Variants in LLGL2 observed in about 807,000 individuals in gnomAD.
The protein encoded by LLGL2 is LLGL2, scribble cell polarity complex component.
LLGL2 carries 81 observed loss-of-function variants against 123.2 expected under a neutral mutation model. That is an observed-to-expected ratio of 0.66 (90% CI 0.55 to 0.79). LLGL2 has a LOEUF of 0.79. Ranked by LOEUF, LLGL2 falls within the 30% of genes least tolerant of loss-of-function variation. The probability of loss-of-function intolerance (pLI) is 0.00; values close to 1 mark genes in which losing one functional copy is unlikely to be tolerated. For synonymous variants in LLGL2, 577 were observed against 594.1 expected, an observed-to-expected ratio of 0.97 and a Z score of 0.42; for missense variants, 1,273 against 1,414.6, an observed-to-expected ratio of 0.90 and a Z score of 1.61.
chr17:75,553,442 G>A (rs922836001), intron 2 of LLGL2, among the ~76,000 whole-genome samples: 4 of 152,254 alleles, frequency 2.6e-5, no homozygotes, highest in Non-Finnish European at 5.9e-5. Context: ...TAGACTGACT[G>A]ATGGGGGAGG....
At chr17:75,570,921 T>C in intron 16 of LLGL2, 29 bp from the exon 17 acceptor site, 1 of 1,583,372 alleles carries the variant, frequency 6.3e-7, no homozygotes, top group Non-Finnish European at 8.6e-7. Flanking sequence ...AGTCCAGAGC[T>C]GACCCTTAGG....
At position 75,558,584 on chromosome 17, in the gene LLGL2, G is replaced by A; in HGVS notation, c.328G>A (p.Glu110Lys). The change falls in exon 5 of 26, where the codon GAG becomes AAG. Residue 110 changes from glutamate to lysine, a missense_variant. Glu to Lys is a moderately conservative substitution (Grantham distance 56). Coordinates refer to ENST00000392550, the MANE Select transcript of LLGL2 (RefSeq NM_001031803.2). This position sits in a 1 kb window ranked among gnomAD's most constrained non-coding sequence, Gnocchi z 4.0. ...CCTGAAGGTCAAGGGCGGGGCATCGGAGCTGCAGGAGGATGAGAGCTTCAC... is the reference window on the plus strand; with the variant it reads ...CCTGAAGGTCAAGGGCGGGGCATCGAAGCTGCAGGAGGATGAGAGCTTCAC... ...WSLKVKGGAS[E>K]LQEDESFTLR... 1.2e-6 allele frequency: 2 copies of A among 1,611,326 alleles called. No individual in the cohort carries two copies. Among genetic ancestry groups the A allele is most frequent in the Non-Finnish European group, 1.7e-6 (2 of 1,178,992 alleles).
chr17:75,567,261 C>T (rs1277329464), intron 10 of LLGL2, among the ~76,000 whole-genome samples: 1 of 152,050 alleles, frequency 6.6e-6, no homozygotes, highest in Admixed American at 6.6e-5. Context: ...GTTAGGGGTT[C>T]GAGACTAGCC....
chr17:75,559,783 C>A lies in LLGL2; in HGVS notation c.530+373C>A, dbSNP rs1398855461. On this transcript the variant is annotated intron_variant, in intron 6 of 25. Transcript: ENST00000392550. The surrounding 1 kb of genome is among the most constrained non-coding windows in gnomAD (Gnocchi z 4.6). ...TCACTGGGGCAGCTCCTGGTGCCAC[C>A]CTTTGCGGTGGGTACTTTGCTGAGG... Among the ~76,000 whole-genome samples, 2 of 152,136 alleles carry A rather than the reference C, an allele frequency of 1.3e-5. No individual in the cohort carries two copies. Among genetic ancestry groups the A allele is most frequent in the Non-Finnish European group, 2.9e-5 (2 of 68,016 alleles).
Position 75,559,841 on chromosome 17 carries a change from G to C in LLGL2, c.530+431G>C, listed in dbSNP as rs1225868425. Among the ~76,000 whole-genome samples, 1 of 152,200 alleles carries C rather than the reference G, an allele frequency of 6.6e-6. No individual in the cohort carries two copies. Among genetic ancestry groups the C allele is most frequent in the African/African-American group, 2.4e-5 (1 of 41,446 alleles). ...TGCTCGCAAGCTCCGTGGCTAAAAA[G>C]CCTTGACCGCCACAGGCATGTGGGT... On this transcript the variant is annotated intron_variant, in intron 6 of 25. Transcript: ENST00000392550. This position sits in a 1 kb window ranked among gnomAD's most constrained non-coding sequence, Gnocchi z 4.6.
At chr17:75,566,726 A>T (rs1479722631) in intron 10 of LLGL2, among the ~76,000 whole-genome samples, 1 of 152,152 alleles carries the variant, frequency 6.6e-6, no homozygotes, top group East Asian at 1.9e-4. Flanking sequence ...GGATGACGTG[A>T]GGGTTTGCTG....
intron 2 of LLGL2, among the ~76,000 whole-genome samples, chr17:75,543,737 C>G (rs990257107): frequency 6.6e-6 from 1 of 152,150 alleles, no homozygotes; most frequent in South Asian, 2.1e-4. Flanking sequence ...GGCTGTGTGA[C>G]CTCTGCAAGT....
chr17:75,545,782 G>A (rs1375390701), intron 2 of LLGL2, among the ~76,000 whole-genome samples: 3 of 152,298 alleles, frequency 2.0e-5, no homozygotes, highest in African/African-American at 2.4e-5. Context: ...ACATTGCCCC[G>A]ACTAAGATAG....
rs1002406391 is a variant in LLGL2 at position 75,574,897 on chromosome 17, T to G, written c.*19T>G. The G allele has an allele frequency of 1.2e-6, 2 of 1,613,854 alleles. No individual in the cohort carries two copies. The highest frequency in any genetic ancestry group is 2.7e-5 in the African/African-American group (2 of 74,940). On this transcript the variant is annotated 3_prime_UTR_variant, in exon 26 of 26. Transcript: ENST00000392550. ...AGAGTGAGTGGCTGAGCGTCCAGGC[T>G]GCGCGATGAGCACACACTACTACTG...
Position 75,571,119 on chromosome 17 carries a change from GT to G in LLGL2, c.2176+21del. On this transcript the variant is annotated intron_variant, in intron 17 of 25. Coordinates refer to ENST00000392550, the MANE Select transcript of LLGL2 (RefSeq NM_001031803.2). Reference sequence around the variant, plus strand: ...AAGGACAGTGAGTGGCCAGCCTGGGGTTGGGGGGCAGGGGGTAGTGGGCAGC... The same window carrying G: ...AAGGACAGTGAGTGGCCAGCCTGGGGTGGGGGGCAGGGGGTAGTGGGCAGC... 6.3e-7 allele frequency: 1 copy of G among 1,578,514 alleles called. No individual in the cohort carries two copies. Among genetic ancestry groups the G allele is most frequent in the Non-Finnish European group, 8.7e-7 (1 of 1,152,730 alleles).
chr17:75,525,492 G>C (rs2053523780), upstream of LLGL2, among the ~76,000 whole-genome samples: 2 of 151,614 alleles, frequency 1.3e-5, no homozygotes, highest in South Asian at 2.1e-4. This position sits in a 1 kb window ranked among gnomAD's most constrained non-coding sequence, Gnocchi z 4.8. Context: ...AGGTGAGGCC[G>C]GGGCGGGCCT....
At chr17:75,530,087 A>T (rs895896921) in intron 1 of LLGL2, among the ~76,000 whole-genome samples, 1 of 152,218 alleles carries the variant, frequency 6.6e-6, no homozygotes, top group Non-Finnish European at 1.5e-5. Context: ...TCCATGAAGC[A>T]TAAGAGGCAT....
chr17:75,560,776 G>A (rs1466773150), intron 6 of LLGL2, among the ~76,000 whole-genome samples: 10 of 124,254 alleles, frequency 8.0e-5, no homozygotes, highest in Non-Finnish European at 9.7e-5. Context: ...ATGAGCCACA[G>A]CGCCTGGCCC....
At chr17:75,562,551 T>G (rs1163833183) in intron 6 of LLGL2, 1 of 183,936 alleles carries the variant, frequency 5.4e-6, no homozygotes, top group Non-Finnish European at 1.2e-5. Flanking sequence ...CTCCCCTTGG[T>G]GACATGTCCT....
intron 25 of LLGL2, 91 bp downstream of exon 25, chr17:75,574,759 G>C: frequency 1.9e-6 from 3 of 1,593,448 alleles, no homozygotes; most frequent in South Asian, 2.2e-5. Context: ...GTCCCACGGG[G>C]CTGACACGTG....
chr17:75,526,201 C>T (rs887790422), intron 1 of LLGL2, among the ~76,000 whole-genome samples: 10 of 152,048 alleles, frequency 6.6e-5, no homozygotes, highest in African/African-American at 2.4e-4. Flanking sequence ...TGGCGACGCG[C>T]GTCTGCGGTG....
chr17:75,550,076 C>T (rs1405192797), intron 2 of LLGL2, among the ~76,000 whole-genome samples: 1 of 152,210 alleles, frequency 6.6e-6, no homozygotes, highest in Non-Finnish European at 1.5e-5. Flanking sequence ...TTCGGAGGCC[C>T]CAGTGGCTGC....
chr17:75,574,912 C>T lies in LLGL2; in HGVS notation c.*34C>T. On this transcript the variant is annotated 3_prime_UTR_variant, in exon 26 of 26. Coordinates refer to ENST00000392550, the MANE Select transcript of LLGL2 (RefSeq NM_001031803.2). ...GCGTCCAGGCTGCGCGATGAGCACA[C>T]ACTACTACTGATGGCCTTTCGGGGG... 1 of 1,613,878 alleles carries T rather than the reference C, an allele frequency of 6.2e-7. No homozygotes were observed. The highest frequency in any genetic ancestry group is 8.5e-7 in the Non-Finnish European group (1 of 1,179,900).
rs369448132 is a variant in LLGL2 at position 75,543,622 on chromosome 17, C to G, written c.75+121C>G. On this transcript the variant is annotated intron_variant, in intron 2 of 25. Transcript: ENST00000392550. ...TCTTATGTGACTGCCTGCAGTGCCTCTTGGGACTCAGACTTTGGAAATGGG... is the reference window on the plus strand; with the variant it reads ...TCTTATGTGACTGCCTGCAGTGCCTGTTGGGACTCAGACTTTGGAAATGGG... 27 of 636,978 alleles carry G rather than the reference C, an allele frequency of 4.2e-5. No individual in the cohort carries two copies. The African/African-American group carries it at 4.5e-4, about 11-fold the overall frequency. 39.5% of individuals were successfully genotyped at this position (636,978 alleles called of 1,614,324 possible). A position where few individuals can be genotyped will look rare whatever the true frequency, so the allele number is the denominator to read the frequency against.
Sources: gnomAD v4.1 joint callset for allele counts (sites outside exome capture counted in the v4.1 genomes callset) on GRCh38, gnomAD v4.1.1 for gene constraint, Gnocchi (gnomAD v3.1) non-coding constraint, MANE v1.5 for transcripts, NCBI Gene and HGNC (gene_info 2026-07-23, HGNC 2026-07-21) for gene names.